Variants in TAF1C observed in about 807,000 individuals in gnomAD.
TAF1C encodes the protein TATA box-binding protein-associated factor RNA polymerase I subunit C.
A neutral mutation model predicts 70.5 loss-of-function variants in TAF1C; 79 were observed. The ratio of observed to expected loss-of-function variants is 1.12; its 90% CI spans 0.93 to 1.35. The LOEUF (loss-of-function observed/expected upper bound fraction) is 1.35. TAF1C is among the 40% of genes most tolerant of loss of function. The pLI is 0.00. For synonymous variants in TAF1C, 614 were observed against 491.1 expected, an observed-to-expected ratio of 1.25 and a Z score of -3.31; for missense variants, 1,412 against 1,127.8, an observed-to-expected ratio of 1.25 and a Z score of -3.61.
At position 84,182,045 on chromosome 16, in the gene TAF1C, G is replaced by A. The variant is rs767059674; in HGVS notation, c.735C>T (p.Val245=). ...GAQDRLHFQE[V]VLTPGDNPQF... ...GGGGATTGTCACCTGGGGTCAGAAC[G>A]ACCTCTTGGAAATCTGGGCCTCTCA... Residue 245 remains valine (V), a synonymous_variant, in exon 8 of 15, where the codon GTC becomes GTT. Transcript: ENST00000566732. The surrounding 1 kb of genome is among the most constrained non-coding windows in gnomAD (Gnocchi z 5.0). 4 of 1,613,112 alleles carry A rather than the reference G, an allele frequency of 2.5e-6. No homozygotes were observed. The African/African-American group carries it at 4.0e-5, about 16-fold the overall frequency.
intron 1 of TAF1C, 50 bp from the exon 2 acceptor site, chr16:84,185,110 A>G: frequency 7.8e-7 from 1 of 1,282,046 alleles, no homozygotes; most frequent in Non-Finnish European, 1.1e-6. Flanking sequence ...TTGAGGAAGC[A>G]GATAACAAAA....
chr16:84,180,983 C>G (rs1253235778), intron 12 of TAF1C, 60 bp downstream of exon 12: 2 of 1,540,604 alleles, frequency 1.3e-6, no homozygotes, highest in African/African-American at 2.7e-5. Flanking sequence ...AAGCAGCAGC[C>G]TCTAGTGACC....
At chr16:84,185,689 T>TC (rs1406799058) in intron 1 of TAF1C, 1 of 151,656 alleles carries the variant, frequency 6.6e-6, no homozygotes, top group Non-Finnish European at 1.5e-5. Context: ...TCACCTGAGG[T>TC]CGGGAGTTCG....
Position 84,182,482 on chromosome 16 carries a change from CA to C in TAF1C, c.483-43del. On this transcript the variant is annotated intron_variant, in intron 6 of 14. Transcript: ENST00000566732. This position sits in a 1 kb window ranked among gnomAD's most constrained non-coding sequence, Gnocchi z 5.0. ...AGCAGGAGGATCACTCGGTGGCACT[CA>C]GGGGAGGACAGGTCCCATCCCAAGG... 1 of 1,547,280 alleles carries C rather than the reference CA, an allele frequency of 6.5e-7. No homozygotes were observed. Among genetic ancestry groups the C allele is most frequent in the Admixed American group, 1.8e-5 (1 of 55,224 alleles).
chr16:84,179,223 A>G lies in TAF1C; in HGVS notation c.2250T>C (p.His750=), dbSNP rs777434687. 3.2e-5 allele frequency: 51 copies of G among 1,584,964 alleles called. No individual in the cohort carries two copies. The South Asian group carries it at 4.0e-4, about 13-fold the overall frequency. The change falls in exon 15 of 15, where the codon CAT becomes CAC. Residue 750 remains histidine (H), a synonymous_variant. Transcript: ENST00000566732. The part of the protein sequence containing the change: ...VDPSEDTSSP[H]SPEWPPADAL... ...CATCAGCAGGTGGCCACTCAGGGCT[A>G]TGAGGGGAGCTGGTGTCCTCTGAGG...
In TAF1C at chr16:84,180,098, A is replaced by G. The variant is rs755376007; in HGVS notation, c.1484-15T>C. 1 of 1,586,852 alleles carries G rather than the reference A, an allele frequency of 6.3e-7. No individual in the cohort carries two copies. The highest frequency in any genetic ancestry group is 8.6e-7 in the Non-Finnish European group (1 of 1,169,004). The stretch of plus-strand genomic sequence containing the variant: ...CGCCCCTTCTCCTGAGGAAGGACAG[A>G]CAGCTGAGGCCCTGTCCAGGCCCCG... On this transcript the variant is annotated splice_polypyrimidine_tract_variant and intron_variant, in intron 13 of 14. Transcript: ENST00000566732.
chr16:84,182,334 C>T lies in TAF1C; in HGVS notation c.589G>A (p.Glu197Lys). 2 of 1,612,710 alleles carry T rather than the reference C, an allele frequency of 1.2e-6. No homozygotes were observed. The highest frequency in any genetic ancestry group is 1.7e-6 in the Non-Finnish European group (2 of 1,179,858). The change falls in exon 7 of 15, where the codon GAG becomes AAG. Residue 197 changes from glutamate (E) to lysine (K), a missense_variant. Transcript: ENST00000566732. This position sits in a 1 kb window ranked among gnomAD's most constrained non-coding sequence, Gnocchi z 5.0. ...AGCTGCTCCCACCGCAGCACCAGCT[C>T]CTCGTGCAGCAGCTCTGCCAAGTGG... Reference protein sequence around the residue: ...ASHLAELLHEELVLRWEQLLL... With the variant: ...ASHLAELLHEKLVLRWEQLLL...
chr16:84,180,693 C>T (rs773661650), intron 12 of TAF1C: 65 of 865,534 alleles, frequency 7.5e-5, no homozygotes, highest in Admixed American at 1.2e-4. Flanking sequence ...CGAATGTCCC[C>T]GGGAGGGCGG....
At position 84,183,462 on chromosome 16, in the gene TAF1C, C is replaced by G. The variant is rs1437154511; in HGVS notation, c.266G>C (p.Gly89Ala). ...GLTARDLLFRGGCRYRKRPRV... is the reference protein window; with the variant it reads ...GLTARDLLFRAGCRYRKRPRV... ...GGGCCGCTTCCGATACCGGCACCCT[C>G]CGCGGAAAAGCAGGTCCCGGGCAGT... The change falls in exon 4 of 15, where the codon GGA becomes GCA. Residue 89 changes from glycine to alanine, a missense_variant. Physicochemically the swap from Gly to Ala is moderately conservative, Grantham distance 60. Transcript: ENST00000566732. The G allele has an allele frequency of 1.6e-5, 25 of 1,612,024 alleles. No homozygotes were observed. The highest frequency in any genetic ancestry group is 2.0e-5 in the Non-Finnish European group (23 of 1,179,166).
chr16:84,180,627 T>C (rs961135619), intron 12 of TAF1C: 22 of 609,408 alleles, frequency 3.6e-5, no homozygotes, highest in Non-Finnish European at 5.3e-5. Context: ...CTGCCTGGCC[T>C]TCTCGCAGCC....
intron 1 of TAF1C, among the ~76,000 whole-genome samples, chr16:84,186,590 C>T (rs1166955128): frequency 6.6e-6 from 1 of 152,222 alleles, no homozygotes; most frequent in Non-Finnish European, 1.5e-5. Context: ...TCTCTTGGAA[C>T]CGCATAGCCT....
In TAF1C at chr16:84,178,483, C is replaced by T; in HGVS notation, c.*458G>A. ...CAGAGATTGACAAAGCAACCCACAA[C>T]AGCAGCTGCCAACGGCCGCTGTGCC... On this transcript the variant is annotated 3_prime_UTR_variant, in exon 15 of 15. Coordinates refer to ENST00000566732, the MANE Select transcript of TAF1C (RefSeq NM_001243156.2). 2 of 460,448 alleles carry T rather than the reference C, an allele frequency of 4.3e-6. No homozygotes were observed. The highest frequency in any genetic ancestry group is 3.1e-5 in the South Asian group (2 of 64,572). The allele number at this position is 460,448 out of a possible 1,614,324, so 28.5% of individuals were successfully genotyped here. A position where few individuals can be genotyped will look rare whatever the true frequency, so the allele number is the denominator to read the frequency against.
In TAF1C at chr16:84,182,701, T is replaced by C. The variant is rs1427673136; in HGVS notation, c.483-261A>G. Among the ~76,000 whole-genome samples the C allele has an allele frequency of 6.6e-6, 1 of 152,184 alleles. No homozygotes were observed. Among genetic ancestry groups the C allele is most frequent in the Non-Finnish European group, 1.5e-5 (1 of 68,032 alleles). ...CCAAGCCAAGCCAACCAAAGTCCTTTCTGGGACTTCTGGTGCCGCAGGAAG... is the reference window on the plus strand; with the variant it reads ...CCAAGCCAAGCCAACCAAAGTCCTTCCTGGGACTTCTGGTGCCGCAGGAAG... On this transcript the variant is annotated intron_variant, in intron 6 of 14. Coordinates refer to ENST00000566732, the MANE Select transcript of TAF1C (RefSeq NM_001243156.2). This position sits in a 1 kb window ranked among gnomAD's most constrained non-coding sequence, Gnocchi z 5.0.
Position 84,182,021 on chromosome 16 carries a change from G to T in TAF1C, c.759C>A (p.Pro253=), listed in dbSNP as rs776406111. Reference sequence around the variant, plus strand: ...TGCGTCCAGGTTTCCCAAGGAATTGGGGATTGTCACCTGGGGTCAGAACGA... The same window carrying T: ...TGCGTCCAGGTTTCCCAAGGAATTGTGGATTGTCACCTGGGGTCAGAACGA... ...QEVVLTPGDN[P]QFLGKPGRIQ... The change falls in exon 8 of 15, where the codon CCC becomes CCA. Residue 253 remains proline (P), a synonymous_variant. Coordinates refer to ENST00000566732, the MANE Select transcript of TAF1C (RefSeq NM_001243156.2). This position sits in a 1 kb window ranked among gnomAD's most constrained non-coding sequence, Gnocchi z 5.0. 2 of 1,613,508 alleles carry T rather than the reference G, an allele frequency of 1.2e-6. No homozygotes were observed. Among genetic ancestry groups the T allele is most frequent in the East Asian group, 2.2e-5 (1 of 44,874 alleles).
At position 84,179,134 on chromosome 16, in the gene TAF1C, C is replaced by T. The variant is rs774165641; in HGVS notation, c.2339G>A (p.Gly780Asp). 2.5e-6 allele frequency: 4 copies of T among 1,608,788 alleles called. No homozygotes were observed. The highest frequency in any genetic ancestry group is 2.2e-5 in the South Asian group (2 of 91,004). The change falls in exon 15 of 15, where the codon GGC becomes GAC. Residue 780 changes from glycine to aspartate, a missense_variant. Coordinates refer to ENST00000566732, the MANE Select transcript of TAF1C (RefSeq NM_001243156.2). ...CATCTGCCGCTGCTCTGATGGGACGCCCTGGGCGCATGCATCCGGAGTCAA... is the reference window on the plus strand; with the variant it reads ...CATCTGCCGCTGCTCTGATGGGACGTCCTGGGCGCATGCATCCGGAGTCAA... ...QELTPDACAQGVPSEQRQMLR... is the reference protein window; with the variant it reads ...QELTPDACAQDVPSEQRQMLR...
At chr16:84,183,055 C>T in intron 6 of TAF1C, 21 bp downstream of exon 6, 1 of 1,613,802 alleles carries the variant, frequency 6.2e-7, no homozygotes, top group Non-Finnish European at 8.5e-7. Context: ...TCCATCTCCT[C>T]CTTTCTCATC....
chr16:84,178,965 C>A lies in TAF1C; in HGVS notation c.2508G>T (p.Arg836=), dbSNP rs1804500. The change falls in exon 15 of 15, where the codon CGG becomes CGT. Residue 836 remains arginine (R), a synonymous_variant. Coordinates refer to ENST00000566732, the MANE Select transcript of TAF1C (RefSeq NM_001243156.2). ...CTCAGAAGCCCATTCGAGGCTTCTT[C>A]CGGAGGGGCTGAGAGCTAGAGAGGA... is the stretch of plus-strand genomic sequence containing the variant. The part of the protein sequence containing the change: ...TPVLSSSQPL[R]KKPRMGF The A allele has an allele frequency of 0.35, 556,304 of 1,609,108 alleles. 99,204 individuals are homozygous for A. The highest frequency in any genetic ancestry group is 0.44 in the Admixed American group (26,550 of 59,746).
chr16:84,183,213 G>A, intron 5 of TAF1C, 31 bp downstream of exon 5: 1 of 1,613,540 alleles, frequency 6.2e-7, no homozygotes, highest in Non-Finnish European at 8.5e-7. Flanking sequence ...ACAGCAGGGA[G>A]TCCCCACCCC....
At position 84,179,622 on chromosome 16, in the gene TAF1C, C is replaced by A. The variant is rs770983481; in HGVS notation, c.1851G>T (p.Leu617=). 2 of 1,612,566 alleles carry A rather than the reference C, an allele frequency of 1.2e-6. No individual in the cohort carries two copies. The highest frequency in any genetic ancestry group is 1.7e-6 in the Non-Finnish European group (2 of 1,179,882). The part of the protein sequence containing the change: ...TAGCSQWLKA[L]LKVPLAPPVW... ...CAGGAGGAGCCAGGGGCACTTTTAG[C>A]AGGGCCTTCAGCCACTGGCTGCAGC... Residue 617 remains leucine (L), a synonymous_variant, in exon 15 of 15, where the codon CTG becomes CTT. Transcript: ENST00000566732.
Sources: gnomAD v4.1 joint callset for allele counts (sites outside exome capture counted in the v4.1 genomes callset) on GRCh38, gnomAD v4.1.1 for gene constraint, Gnocchi (gnomAD v3.1) non-coding constraint, MANE v1.5 for transcripts, NCBI Gene and HGNC (gene_info 2026-07-23, HGNC 2026-07-21) for gene names.